The following GPA33 variants were observed in gnomAD, a reference collection of about 807,000 sequenced individuals.
The protein encoded by GPA33 is glycoprotein A33.
Under a neutral mutation model 35.6 loss-of-function variants are expected in GPA33, and 27 were observed. That is an observed-to-expected ratio of 0.76 (90% CI 0.56 to 1.04). GPA33 has a LOEUF of 1.04. GPA33 is among the 50% of genes least tolerant of loss of function. The pLI is 0.00. For synonymous variants in GPA33, 176 were observed against 164.0 expected (o/e 1.07, Z -0.56); for missense variants, 428 against 411.9 (o/e 1.04, Z -0.34).
At chr1:167,056,700 GGTGTGTGTAGT>G (rs1174135121) in intron 4 of GPA33, among the ~76,000 whole-genome samples, 1 of 10,666 alleles carries the variant, frequency 9.4e-5, no homozygotes, top group African/African-American at 3.5e-4. Flanking sequence ...GTGGGTGTGT[GGTGTGTGTAGT>G]GTGTGTGTAG....
chr1:167,079,228 C>T (rs1315064888), intron 1 of GPA33, among the ~76,000 whole-genome samples: 1 of 152,110 alleles, frequency 6.6e-6, no homozygotes, highest in Non-Finnish European at 1.5e-5. Flanking sequence ...CGTGGTGGCT[C>T]ACTCCTGTAA....
At chr1:167,055,604 AC>A in intron 5 of GPA33, 125 bp downstream of exon 5, 1 of 1,016,294 alleles carries the variant, frequency 9.8e-7, no homozygotes, top group Non-Finnish European at 1.5e-6. Flanking sequence ...ACCACAGCTA[AC>A]CTGCAGGTGC....
At position 167,054,030 on chromosome 1, in the gene GPA33, A is replaced by C; in HGVS notation, c.*304T>G. ...GCCCCATGCTCAGCGCTGTGCTTCC[A>C]GGAGCTCCTGCCAACTACGAGGGAA... On this transcript the variant is annotated 3_prime_UTR_variant, in exon 7 of 7. Transcript: ENST00000367868. The C allele has an allele frequency of 2.5e-6, 1 of 397,864 alleles. No homozygotes were observed. Among genetic ancestry groups the C allele is most frequent in the Non-Finnish European group, 4.6e-6 (1 of 215,340 alleles). 24.6% of individuals were successfully genotyped at this position (397,864 alleles called of 1,614,324 possible).
intron 1 of GPA33, 39 bp from the exon 2 acceptor site, chr1:167,073,578 A>C (rs1666764655): frequency 6.4e-7 from 1 of 1,567,442 alleles, no homozygotes; most frequent in Non-Finnish European, 8.7e-7. Context: ...AAAGTAAGCG[A>C]CACGGACAGA....
intron 4 of GPA33, among the ~76,000 whole-genome samples, chr1:167,058,799 CA>C (rs1016603228): frequency 6.6e-6 from 1 of 152,216 alleles, no homozygotes; most frequent in Admixed American, 6.5e-5. Flanking sequence ...TTTCTAAGGG[CA>C]GCACTTTCAG....
intron 4 of GPA33, among the ~76,000 whole-genome samples, chr1:167,056,936 G>A (rs1460000121): frequency 4.8e-4 from 36 of 75,112 alleles, no homozygotes; most frequent in South Asian, 1.7e-3. Flanking sequence ...ACTGTGTGTG[G>A]TGTGTGTGGC....
intron 1 of GPA33, among the ~76,000 whole-genome samples, chr1:167,080,151 C>T (rs1666897723): frequency 6.6e-6 from 1 of 152,170 alleles, no homozygotes; most frequent in African/African-American, 2.4e-5. Flanking sequence ...GCCCTGTGCC[C>T]GTCATGCTCT....
At chr1:167,064,210 G>C (rs1414751357) in intron 3 of GPA33, among the ~76,000 whole-genome samples, 1 of 152,104 alleles carries the variant, frequency 6.6e-6, no homozygotes, top group Non-Finnish European at 1.5e-5. Context: ...CTTGAATCTG[G>C]GAGGCGGAGG....
chr1:167,083,360 G>A (rs1666990265), intron 1 of GPA33, among the ~76,000 whole-genome samples: 1 of 152,206 alleles, frequency 6.6e-6, no homozygotes, highest in Admixed American at 6.5e-5. Context: ...CCTGGAGGAG[G>A]AAGAAAAGCA....
At chr1:167,078,021 G>T (rs1666857699) in intron 1 of GPA33, among the ~76,000 whole-genome samples, 1 of 152,194 alleles carries the variant, frequency 6.6e-6, no homozygotes, top group Non-Finnish European at 1.5e-5. Flanking sequence ...CCCTGGTGAG[G>T]GTATAGGGCT....
At chr1:167,056,005 A>T (rs553997121) in intron 4 of GPA33, among the ~76,000 whole-genome samples, 156 bp from the exon 5 acceptor site, 1 of 152,176 alleles carries the variant, frequency 6.6e-6, no homozygotes, top group Admixed American at 6.5e-5. Context: ...CAGGACGCTT[A>T]AACCAGGCAG....
chr1:167,055,744 ACCG>A lies in GPA33; in HGVS notation c.674_676del (p.Thr225_Val226delinsMet). 1 of 1,614,002 alleles carries A rather than the reference ACCG, an allele frequency of 6.2e-7. No individual in the cohort carries two copies. The highest frequency in any genetic ancestry group is 1.3e-5 in the African/African-American group (1 of 75,036). On this transcript the variant is annotated inframe_deletion, in exon 5 of 7. Coordinates refer to ENST00000367868, the MANE Select transcript of GPA33 (RefSeq NM_005814.3). Reference sequence around the variant, plus strand: ...GCTGCTCTTACGAGATCTGACGGCCACCGTGATGTTGCAGAACTGCGTCCCCTC... The same window carrying A: ...GCTGCTCTTACGAGATCTGACGGCCATGATGTTGCAGAACTGCGTCCCCTC...
In GPA33 at chr1:167,062,646, CT is replaced by C. The variant is rs768326263; in HGVS notation, c.571+935del. 1.3e-3 allele frequency among the ~76,000 whole-genome samples: 104 copies of C among 79,980 alleles called. 1 individual carries two copies. The highest frequency in any genetic ancestry group is 0.01 in the Middle Eastern group (1 of 100). The allele number at this position is 79,980 out of a possible 152,430, so 52.5% of individuals were successfully genotyped here. ...TGGTAGGATTTTTATATAGCTCTTTCTTTTTTTTTTTTTTTTTTTTTCAGTT... is the reference window on the plus strand; with the variant it reads ...TGGTAGGATTTTTATATAGCTCTTTCTTTTTTTTTTTTTTTTTTTTCAGTT... On this transcript the variant is annotated intron_variant, in intron 4 of 6. Transcript: ENST00000367868.
At chr1:167,080,798 T>G (rs924967393) in intron 1 of GPA33, among the ~76,000 whole-genome samples, 3 of 152,226 alleles carry the variant, frequency 2.0e-5, no homozygotes, top group Non-Finnish European at 4.4e-5. Context: ...TTCATCTTCA[T>G]ATCCCTAGAG....
At chr1:167,056,868 GTGT>G (rs1666313653) in intron 4 of GPA33, among the ~76,000 whole-genome samples, 1 of 83,842 alleles carries the variant, frequency 1.2e-5, no homozygotes. Flanking sequence ...TGTGTGTGTG[GTGT>G]GTGGTGTGTG....
intron 4 of GPA33, among the ~76,000 whole-genome samples, chr1:167,056,797 G>GTA (rs879499735): frequency 0.087 from 151 of 1,726 alleles, no homozygotes; most frequent in East Asian, 0.1. Flanking sequence ...TGTGGTGCGT[G>GTA]TGGTGTGGTG....
intron 1 of GPA33, among the ~76,000 whole-genome samples, chr1:167,085,402 G>A (rs1667028430): frequency 6.6e-6 from 1 of 152,212 alleles, no homozygotes; most frequent in South Asian, 2.1e-4. Context: ...GCTGGGCCAG[G>A]CACACTTTCC....
chr1:167,068,077 TAATTA>T (rs1666637984), intron 3 of GPA33, among the ~76,000 whole-genome samples: 3 of 151,916 alleles, frequency 2.0e-5, no homozygotes, highest in African/African-American at 4.8e-5. Context: ...TCTTAATTAT[TAATTA>T]AATTAAATTT....
chr1:167,078,188 A>C (rs1222467648), intron 1 of GPA33, among the ~76,000 whole-genome samples: 1 of 152,220 alleles, frequency 6.6e-6, no homozygotes. Flanking sequence ...TTCTTCAGTC[A>C]ACCAACAAGT....
Sources: allele counts gnomAD v4.1 joint callset (sites outside exome capture counted in the v4.1 genomes callset), GRCh38; gene constraint gnomAD v4.1.1; transcripts MANE v1.5; gene names NCBI Gene and HGNC (gene_info 2026-07-23, HGNC 2026-07-21).